The following CPNE5 variants were observed in gnomAD, a reference collection of about 807,000 sequenced individuals.
CPNE5 encodes the protein copine-5.
CPNE5 carries 42 observed loss-of-function variants against 81.1 expected under a neutral mutation model. The ratio of observed to expected loss-of-function variants is 0.52; its 90% CI spans 0.40 to 0.67. The LOEUF is 0.67. Ranked by LOEUF, CPNE5 falls within the 30% of genes least tolerant of loss-of-function variation. The pLI, the probability that CPNE5 is intolerant of heterozygous loss-of-function variation, is 0.00. For synonymous variants in CPNE5, 313 were observed against 321.5 expected, an observed-to-expected ratio of 0.97 and a Z score of 0.28; for missense variants, 612 against 815.5, an observed-to-expected ratio of 0.75 and a Z score of 3.04.
At chr6:36,752,856 G>A (rs1764996710) in intron 14 of CPNE5, among the ~76,000 whole-genome samples, 178 bp downstream of exon 14, 1 of 152,236 alleles carries the variant, frequency 6.6e-6, no homozygotes, top group African/African-American at 2.4e-5. Flanking sequence ...ATCTGGGGAT[G>A]TGCAGGGCTC....
chr6:36,751,726 C>T (rs1764847035), intron 14 of CPNE5, among the ~76,000 whole-genome samples: 1 of 152,062 alleles, frequency 6.6e-6, no homozygotes, highest in Admixed American at 6.6e-5. Context: ...ACCCAGGAGG[C>T]GGAGGTTGCA....
chr6:36,752,438 G>T (rs1764946985), intron 14 of CPNE5: 1 of 152,448 alleles, frequency 6.6e-6, no homozygotes, highest in Non-Finnish European at 1.5e-5. Flanking sequence ...CTGGCCCCAG[G>T]ACCAATCCCT....
rs1766463957 is a variant in CPNE5 at position 36,765,325 on chromosome 6, G to A, written c.779+10C>T. 6.2e-7 allele frequency: 1 copy of A among 1,613,848 alleles called. No homozygotes were observed. The highest frequency in any genetic ancestry group is 2.2e-5 in the East Asian group (1 of 44,848). ...CTCACCTTCTCGCCCCTGCCCTCCT[G>A]CCTGCTTACCTGCCGTCCCGATCCC... On this transcript the variant is annotated intron_variant, in intron 11 of 20. Coordinates refer to ENST00000244751, the MANE Select transcript of CPNE5 (RefSeq NM_020939.2).
At chr6:36,834,953 T>G (rs979434277) in intron 1 of CPNE5, among the ~76,000 whole-genome samples, 3 of 151,878 alleles carry the variant, frequency 2.0e-5, no homozygotes, top group Admixed American at 2.0e-4. Context: ...GCACAGCTCC[T>G]GAGCCGGGCT....
intron 3 of CPNE5, among the ~76,000 whole-genome samples, chr6:36,808,909 C>T (rs762570495): frequency 9.0e-4 from 137 of 152,140 alleles, no homozygotes; most frequent in Admixed American, 1.6e-3. Flanking sequence ...GCGATAGGAA[C>T]GGGATTCAAA....
intron 1 of CPNE5, among the ~76,000 whole-genome samples, chr6:36,833,051 G>T (rs2150621561): frequency 6.6e-6 from 1 of 152,266 alleles, no homozygotes; most frequent in Non-Finnish European, 1.5e-5. Context: ...CATCCCTGGG[G>T]AGAGACTGCC....
intron 6 of CPNE5, among the ~76,000 whole-genome samples, chr6:36,795,049 C>T (rs970898120): frequency 3.9e-5 from 6 of 152,190 alleles, no homozygotes; most frequent in Admixed American, 3.3e-4. Flanking sequence ...GATGGGGAGA[C>T]TGCTGGAAGA....
At chr6:36,816,658 C>T (rs1473475423) in intron 3 of CPNE5, among the ~76,000 whole-genome samples, 1 of 152,238 alleles carries the variant, frequency 6.6e-6, no homozygotes, top group East Asian at 1.9e-4. Context: ...TCTTCTATCC[C>T]AGAGGCGGTT....
intron 11 of CPNE5, 133 bp downstream of exon 11, chr6:36,765,202 G>T (rs962913922): frequency 3.2e-5 from 16 of 500,218 alleles, no homozygotes; most frequent in Non-Finnish European, 5.6e-5. Context: ...CCACACACAC[G>T]CAAACCCAGG....
At chr6:36,785,739 G>T (rs550687512) in intron 8 of CPNE5, among the ~76,000 whole-genome samples, 1 of 152,090 alleles carries the variant, frequency 6.6e-6, no homozygotes, top group African/African-American at 2.4e-5. Flanking sequence ...TAGGCCTGAC[G>T]CTGTGGCTCA....
intron 1 of CPNE5, among the ~76,000 whole-genome samples, chr6:36,829,863 AAAAAAAT>A (rs1313655195): frequency 4.7e-5 from 7 of 148,062 alleles, no homozygotes; most frequent in Admixed American, 2.7e-4. Flanking sequence ...AAAAAAAAAA[AAAAAAAT>A]ACCCAACAGG....
Position 36,839,203 on chromosome 6 carries a change from G to T in CPNE5, c.95+80C>A. On this transcript the variant is annotated intron_variant, in intron 1 of 20. Coordinates refer to ENST00000244751, the MANE Select transcript of CPNE5 (RefSeq NM_020939.2). The surrounding 1 kb of genome is among the most constrained non-coding windows in gnomAD (Gnocchi z 7.3). ...CACTCTGGGAAGGGGGCGCGCGGAG[G>T]TTTAGGATCGAAGCGGCAGGGGCCG... 1.9e-6 allele frequency: 2 copies of T among 1,070,660 alleles called. No homozygotes were observed. Among genetic ancestry groups the T allele is most frequent in the East Asian group, 2.8e-5 (1 of 35,688 alleles). The allele number at this position is 1,070,660 out of a possible 1,614,324, so 66.3% of individuals were successfully genotyped here.
rs184684604 is a variant in CPNE5 at position 36,746,300 on chromosome 6, C to A, written c.1200+96G>T. 4 of 1,476,030 alleles carry A rather than the reference C, an allele frequency of 2.7e-6. No individual in the cohort carries two copies. Among genetic ancestry groups the A allele is most frequent in the Non-Finnish European group, 3.6e-6 (4 of 1,110,654 alleles). The allele number at this position is 1,476,030 out of a possible 1,614,324, so 91.4% of individuals were successfully genotyped here. A position where few individuals can be genotyped will look rare whatever the true frequency, so the allele number is the denominator to read the frequency against. On this transcript the variant is annotated intron_variant, in intron 16 of 20. Transcript: ENST00000244751. The surrounding 1 kb of genome is among the most constrained non-coding windows in gnomAD (Gnocchi z 4.5). ...CTCCACTGAGGCTGAGCCTTAAGTC[C>A]CCGGGCTCAGAGGAAGGGAAACGTC...
chr6:36,788,201 A>T (rs1001252626), intron 8 of CPNE5, among the ~76,000 whole-genome samples: 3 of 150,538 alleles, frequency 2.0e-5, no homozygotes, highest in African/African-American at 7.5e-5. Context: ...CTGCTAATTT[A>T]AAAAAATTTT....
intron 15 of CPNE5, among the ~76,000 whole-genome samples, chr6:36,747,917 C>G (rs1764362589): frequency 6.6e-6 from 1 of 152,164 alleles, no homozygotes; most frequent in Non-Finnish European, 1.5e-5. Flanking sequence ...GATTTGATCC[C>G]GGGGGGAAAC....
chr6:36,827,459 G>A, intron 1 of CPNE5: 1 of 985,132 alleles, frequency 1.0e-6, no homozygotes, highest in African/African-American at 1.7e-5. Context: ...GTCTGAAGCA[G>A]GGCTCCAGAG....
intron 10 of CPNE5, among the ~76,000 whole-genome samples, chr6:36,772,063 G>A (rs746103931): frequency 3.9e-5 from 6 of 151,946 alleles, no homozygotes; most frequent in South Asian, 2.1e-4. Context: ...CCAGGCCTCC[G>A]AGCCCTGCTG....
chr6:36,780,156 G>T (rs527776704), intron 8 of CPNE5, among the ~76,000 whole-genome samples: 29 of 152,180 alleles, frequency 1.9e-4, no homozygotes, highest in Non-Finnish European at 3.5e-4. Flanking sequence ...GTAGAGATGG[G>T]GTTTCACTGT....
intron 12 of CPNE5, among the ~76,000 whole-genome samples, chr6:36,758,007 C>A (rs928000024): frequency 5.3e-5 from 8 of 152,090 alleles, no homozygotes; most frequent in Non-Finnish European, 1.5e-5. Flanking sequence ...TGGTAGGAGA[C>A]AAAATCAGAG....
Sources: allele counts gnomAD v4.1 joint callset (sites outside exome capture counted in the v4.1 genomes callset), GRCh38; gene constraint gnomAD v4.1.1; non-coding constraint Gnocchi (gnomAD v3.1); transcripts MANE v1.5; gene names NCBI Gene and HGNC (gene_info 2026-07-23, HGNC 2026-07-21).